The following MAP2K1 variants were observed in gnomAD, a reference collection of about 807,000 sequenced individuals.
MAP2K1 encodes the protein dual specificity mitogen-activated protein kinase kinase 1.
MAP2K1 carries 16 observed loss-of-function variants against 46.3 expected under a neutral mutation model. The ratio of observed to expected loss-of-function variants is 0.35; its 90% confidence interval spans 0.23 to 0.52. MAP2K1 has a LOEUF of 0.52. MAP2K1 is among the 20% of genes least tolerant of loss of function. MAP2K1 has a pLI of 0.94. For missense variants in MAP2K1, 263 were observed against 497.1 expected (o/e 0.53, Z 4.48); for synonymous variants, 183 against 185.6 (o/e 0.99, Z 0.11).
chr15:66,401,269 A>T (rs1055205152), intron 1 of MAP2K1, among the ~76,000 whole-genome samples: 2 of 152,126 alleles, frequency 1.3e-5, no homozygotes, highest in African/African-American at 4.8e-5. Flanking sequence ...GAGGCAATGG[A>T]CCGTGCTACT....
chr15:66,399,424 A>G (rs902028640), intron 1 of MAP2K1, among the ~76,000 whole-genome samples: 22 of 152,004 alleles, frequency 1.4e-4, no homozygotes, highest in African/African-American at 5.3e-4. Flanking sequence ...TAAACATCAC[A>G]TTAAATGCAA....
Position 66,480,057 on chromosome 15 carries a change from A to C in MAP2K1, c.569-1698A>C, listed in dbSNP as rs973921121. ...GTAGCTGGGATTACAAGCATGCGCC[A>C]CCACGCTAATTTTTTATTTTTATTT... On this transcript the variant is annotated intron_variant, in intron 5 of 10. Coordinates refer to ENST00000307102, the MANE Select transcript of MAP2K1 (RefSeq NM_002755.4). Among the ~76,000 whole-genome samples the C allele has an allele frequency of 5.3e-5, 8 of 151,702 alleles. No homozygotes were observed. In the South Asian group the frequency reaches 1.0e-3, roughly 20 times the overall value.
intron 5 of MAP2K1, among the ~76,000 whole-genome samples, chr15:66,452,782 T>C (rs1013697386): frequency 1.3e-5 from 2 of 152,220 alleles, no homozygotes; most frequent in African/African-American, 4.8e-5. Flanking sequence ...GCTAATTGCC[T>C]TCCCCGTTTC....
chr15:66,412,964 C>T (rs566729145), intron 1 of MAP2K1, among the ~76,000 whole-genome samples: 4 of 152,126 alleles, frequency 2.6e-5, no homozygotes, highest in South Asian at 4.1e-4. Context: ...GGCGTGATCT[C>T]GGCTCACTGC....
At chr15:66,481,940 G>A in intron 6 of MAP2K1, 61 bp downstream of exon 6, 1 of 1,584,942 alleles carries the variant, frequency 6.3e-7, no homozygotes, top group Non-Finnish European at 8.6e-7. Context: ...GAGCCCAGTG[G>A]GTGCCTTTCC....
At chr15:66,414,781 CTT>C (rs79790588) in intron 1 of MAP2K1, among the ~76,000 whole-genome samples, 42 of 141,522 alleles carry the variant, frequency 3.0e-4, no homozygotes, top group Admixed American at 1.2e-3. Flanking sequence ...CATCCTGTGT[CTT>C]TTTTTTTTTT....
intron 1 of MAP2K1, among the ~76,000 whole-genome samples, chr15:66,425,221 G>A (rs892967274): frequency 6.6e-6 from 1 of 152,158 alleles, no homozygotes; most frequent in African/African-American, 2.4e-5. Flanking sequence ...TCTTGGGCAG[G>A]AGAAAGTTTT....
chr15:66,449,022 A>AAC (rs1567014194), intron 5 of MAP2K1, among the ~76,000 whole-genome samples: 1 of 150,870 alleles, frequency 6.6e-6, no homozygotes, highest in South Asian at 2.1e-4. Flanking sequence ...AAAAAAAAAA[A>AAC]AAAAAACAAC....
intron 1 of MAP2K1, among the ~76,000 whole-genome samples, chr15:66,412,573 A>G (rs1368824235): frequency 2.0e-5 from 3 of 152,230 alleles, no homozygotes; most frequent in African/African-American, 7.2e-5. Flanking sequence ...CTGCCTGAGC[A>G]CATAATTGGT....
At chr15:66,445,643 TA>T (rs2140604439) in intron 5 of MAP2K1, among the ~76,000 whole-genome samples, 2 of 152,176 alleles carry the variant, frequency 1.3e-5, no homozygotes, top group South Asian at 4.2e-4. Context: ...TCTTCAACAA[TA>T]AAAATGAAAA....
intron 1 of MAP2K1, among the ~76,000 whole-genome samples, chr15:66,400,565 C>A (rs574958479): frequency 3.0e-4 from 46 of 152,264 alleles, no homozygotes; most frequent in African/African-American, 1.1e-3. Context: ...TTCGAAAAAT[C>A]GTCCTGGTCT....
chr15:66,416,341 C>T (rs2093424485), intron 1 of MAP2K1, among the ~76,000 whole-genome samples: 1 of 151,728 alleles, frequency 6.6e-6, no homozygotes, highest in Non-Finnish European at 1.5e-5. Context: ...GATACACACC[C>T]CCCTACAATC....
At chr15:66,420,707 A>ATATATATATATATG (rs1491256627) in intron 1 of MAP2K1, among the ~76,000 whole-genome samples, 1 of 1,980 alleles carries the variant, frequency 5.1e-4, no homozygotes, top group African/African-American at 5.8e-4. Context: ...TACTCTTGGC[A>ATATATATATATATG]TATATATATA....
At chr15:66,455,599 C>T (rs920038906) in intron 5 of MAP2K1, among the ~76,000 whole-genome samples, 7 of 152,180 alleles carry the variant, frequency 4.6e-5, no homozygotes, top group Non-Finnish European at 1.0e-4. Context: ...TTTCAGTTAT[C>T]TTTCTTCAGC....
intron 5 of MAP2K1, among the ~76,000 whole-genome samples, chr15:66,456,233 G>T (rs964699572): frequency 6.6e-6 from 1 of 152,164 alleles, no homozygotes; most frequent in African/African-American, 2.4e-5. Flanking sequence ...TAATGGGAAA[G>T]GGACATATCT....
In MAP2K1 at chr15:66,487,236, A is replaced by C. The variant is rs1023593707; in HGVS notation, c.904A>C (p.Met302Leu). 1 of 1,613,916 alleles carries C rather than the reference A, an allele frequency of 6.2e-7. No individual in the cohort carries two copies. The highest frequency in any genetic ancestry group is 8.5e-7 in the Non-Finnish European group (1 of 1,179,876). Residue 302 changes from methionine (M) to leucine (L), a missense_variant, in exon 8 of 11, where the codon ATG (methionine) becomes CTG (leucine). Met to Leu is a conservative substitution (Grantham distance 15). Transcript: ENST00000307102. ...TPGRPLSSYG[M>L]DSRPPMAIFE... ...TTTTATAAAATTTGTAGCATACGGAATGGACAGCCGACCTCCCATGGCAAT... is the reference window on the plus strand; with the variant it reads ...TTTTATAAAATTTGTAGCATACGGACTGGACAGCCGACCTCCCATGGCAAT...
At chr15:66,437,929 T>C (rs1188437135) in intron 3 of MAP2K1, among the ~76,000 whole-genome samples, 1 of 151,966 alleles carries the variant, frequency 6.6e-6, no homozygotes, top group Non-Finnish European at 1.5e-5. Context: ...GGCTTGGTCC[T>C]AGTGCTTGGC....
chr15:66,387,367 CG>C lies in MAP2K1; in HGVS notation c.21del (p.Ile9SerfsTer3). On this transcript the variant is annotated frameshift_variant, in exon 1 of 11. Coordinates refer to ENST00000307102, the MANE Select transcript of MAP2K1 (RefSeq NM_002755.4). LOFTEE classifies it high-confidence loss of function. Reference sequence around the variant, plus strand: ...TCCAAAATGCCCAAGAAGAAGCCGACGCCCATCCAGCTGAACCCGGCCCCCG... The same window carrying C: ...TCCAAAATGCCCAAGAAGAAGCCGACCCCATCCAGCTGAACCCGGCCCCCG... MPKKKP[T>X]PIQLNPAPDG... is the part of the protein sequence containing the mutation. 1 of 1,565,518 alleles carries C rather than the reference CG, an allele frequency of 6.4e-7. No homozygotes were observed. The highest frequency in any genetic ancestry group is 8.7e-7 in the Non-Finnish European group (1 of 1,154,382).
Position 66,395,440 on chromosome 15 carries a change from GGT to G in MAP2K1, c.80+8014_80+8015del, listed in dbSNP as rs1224781794. Among the ~76,000 whole-genome samples the G allele has an allele frequency of 2.0e-5, 3 of 151,890 alleles. No homozygotes were observed. The East Asian group carries it at 5.8e-4, about 29-fold the overall frequency. ...CTCTGTTTTTCCGTTCACCTGCTGT[GGT>G]CCACTTACCACTTTCTTTACTCTCC... On this transcript the variant is annotated intron_variant, in intron 1 of 10. Transcript: ENST00000307102.
Sources: gnomAD v4.1 joint callset for allele counts (sites outside exome capture counted in the v4.1 genomes callset) on GRCh38, gnomAD v4.1.1 for gene constraint, MANE v1.5 for transcripts, NCBI Gene and HGNC (gene_info 2026-07-23, HGNC 2026-07-21) for gene names.